EPHA6: variants seen among roughly 807,000 people sequenced by gnomAD.
The protein encoded by EPHA6 is EPH receptor A6, also known as ephrin type-A receptor 6.
Under a neutral mutation model 112.0 loss-of-function variants are expected in EPHA6, and 50 were observed. The ratio of observed to expected loss-of-function variants is 0.45; its 90% CI spans 0.36 to 0.56. The LOEUF (loss-of-function observed/expected upper bound fraction) is 0.56, where lower values mean the gene tolerates loss of function less well. Among genes scored for constraint, EPHA6 ranks in the 20% least tolerant of loss-of-function variants. The probability of loss-of-function intolerance (pLI) is 0.00; values close to 1 mark genes in which losing one functional copy is unlikely to be tolerated. For missense variants in EPHA6, 1,280 were observed against 1,417.4 expected (o/e 0.90, Z 1.56); for synonymous variants, 529 against 490.7 (o/e 1.08, Z -1.03).
chr3:97,261,552 A>T (rs9814048), intron 5 of EPHA6, among the ~76,000 whole-genome samples: 3,036 of 152,250 alleles, frequency 0.02, 88 homozygotes, highest in African/African-American at 0.068. Flanking sequence ...GTTTTTCTCT[A>T]TTTACATTCC....
chr3:97,481,494 T>C, intron 9 of EPHA6: 1 of 1,114,244 alleles, frequency 9.0e-7, no homozygotes, highest in East Asian at 2.6e-5. Context: ...CAAACCATAG[T>C]TCCGGTTCTT....
chr3:96,843,602 C>T (rs948742480), intron 1 of EPHA6, among the ~76,000 whole-genome samples: 6 of 152,046 alleles, frequency 3.9e-5, no homozygotes, highest in African/African-American at 1.4e-4. Context: ...CTGCAGAATT[C>T]GTTTTCCTAG....
intron 8 of EPHA6, among the ~76,000 whole-genome samples, chr3:97,477,126 A>G (rs985918104): frequency 6.6e-6 from 1 of 152,168 alleles, no homozygotes; most frequent in African/African-American, 2.4e-5. Flanking sequence ...GCTAACTGCC[A>G]TCATCAGAGC....
intron 5 of EPHA6, among the ~76,000 whole-genome samples, chr3:97,386,135 T>C (rs1473085215): frequency 6.6e-6 from 1 of 152,096 alleles, no homozygotes; most frequent in African/African-American, 2.4e-5. Flanking sequence ...GTCCAAAGTC[T>C]CATCTGAGAC....
intron 16 of EPHA6, among the ~76,000 whole-genome samples, chr3:97,737,429 TTTA>T (rs969239917): frequency 6.6e-6 from 1 of 151,926 alleles, no homozygotes; most frequent in African/African-American, 2.4e-5. Context: ...ATAAGAGAAT[TTTA>T]TTATTATTAT....
chr3:97,115,906 T>C (rs993576479), intron 3 of EPHA6, among the ~76,000 whole-genome samples: 20 of 151,940 alleles, frequency 1.3e-4, no homozygotes, highest in Non-Finnish European at 1.2e-4. Context: ...AAAATCACCC[T>C]TATATTGCCT....
At position 97,330,010 on chromosome 3, in the gene EPHA6, G is replaced by A. The variant is rs186554202; in HGVS notation, c.1607-75140G>A. On this transcript the variant is annotated intron_variant, in intron 5 of 17. Transcript: ENST00000389672. Reference sequence around the variant, plus strand: ...AATTTTTGTATAAGGCGTAAGGAAGGGATCCAGTTTCAGCTTTCTACCTAT... The same window carrying A: ...AATTTTTGTATAAGGCGTAAGGAAGAGATCCAGTTTCAGCTTTCTACCTAT... 1.7e-3 allele frequency among the ~76,000 whole-genome samples: 258 copies of A among 152,202 alleles called. 1 individual carries two copies. The highest frequency in any genetic ancestry group is 0.012 in the East Asian group (62 of 5,178).
At chr3:97,420,861 G>GACAAACA (rs2088566659) in intron 6 of EPHA6, among the ~76,000 whole-genome samples, 1 of 151,052 alleles carries the variant, frequency 6.6e-6, no homozygotes, top group Non-Finnish European at 1.5e-5. Flanking sequence ...AAAAAAAATA[G>GACAAACA]GGCCAAATTT....
chr3:96,840,282 A>T (rs1241863984), intron 1 of EPHA6, among the ~76,000 whole-genome samples: 2 of 152,132 alleles, frequency 1.3e-5, no homozygotes, highest in East Asian at 3.9e-4. Flanking sequence ...TTGTTGGCAA[A>T]ATATATACAC....
At chr3:97,491,634 T>TTTTTTTTTG (rs2091841225) in intron 10 of EPHA6, among the ~76,000 whole-genome samples, 1 of 125,004 alleles carries the variant, frequency 8.0e-6, no homozygotes. Flanking sequence ...TTTTTTTTTT[T>TTTTTTTTTG]AAGGTTTATG....
intron 14 of EPHA6, chr3:97,646,388 C>A: frequency 3.0e-6 from 3 of 1,005,004 alleles, no homozygotes; most frequent in Non-Finnish European, 2.7e-6. Context: ...TCAAAATACA[C>A]TAAAGTAAAT....
chr3:97,219,246 C>A (rs1391162757), intron 3 of EPHA6, among the ~76,000 whole-genome samples: 8 of 152,266 alleles, frequency 5.3e-5, no homozygotes, highest in Non-Finnish European at 1.2e-4. Context: ...CATAGCACCA[C>A]TAGGCAGTAC....
At chr3:97,707,534 C>A (rs1489158188) in intron 14 of EPHA6, among the ~76,000 whole-genome samples, 1 of 152,136 alleles carries the variant, frequency 6.6e-6, no homozygotes, top group African/African-American at 2.4e-5. Context: ...GAAAATACAG[C>A]ATATTGTGTT....
Position 97,638,078 on chromosome 3 carries a change from C to T in EPHA6, c.2780C>T (p.Thr927Ile), listed in dbSNP as rs891050699. ...LEDDPEAAYT[T>I]TGGKIPIRWT... Reference sequence around the variant, plus strand: ...GATGATCCAGAAGCTGCTTATACAACAACTGTAAGTTTATATGCCCTTTCC... The same window carrying T: ...GATGATCCAGAAGCTGCTTATACAATAACTGTAAGTTTATATGCCCTTTCC... Residue 927 changes from threonine to isoleucine, a missense_variant, in exon 14 of 18, where the codon ACA becomes ATA. Physicochemically the swap from Thr to Ile is moderately conservative, Grantham distance 89. Transcript: ENST00000389672. 6.2e-7 allele frequency: 1 copy of T among 1,610,508 alleles called. No homozygotes were observed. The highest frequency in any genetic ancestry group is 8.5e-7 in the Non-Finnish European group (1 of 1,177,402).
At chr3:97,364,152 G>A (rs1419782889) in intron 5 of EPHA6, among the ~76,000 whole-genome samples, 1 of 151,588 alleles carries the variant, frequency 6.6e-6, no homozygotes, top group Non-Finnish European at 1.5e-5. Context: ...TAATTTAAAC[G>A]GTACATTTAT....
intron 5 of EPHA6, among the ~76,000 whole-genome samples, chr3:97,404,918 C>T (rs141031586): frequency 2.7e-3 from 409 of 152,216 alleles, no homozygotes; most frequent in African/African-American, 9.3e-3. Flanking sequence ...CTGGCCCTTA[C>T]TCTTGGAATA....
intron 12 of EPHA6, among the ~76,000 whole-genome samples, chr3:97,596,900 A>C (rs1576014295): frequency 7.2e-6 from 1 of 139,126 alleles, no homozygotes; most frequent in South Asian, 2.2e-4. Context: ...ATATATATAT[A>C]TATATGTATG....
intron 13 of EPHA6, among the ~76,000 whole-genome samples, chr3:97,619,615 C>T (rs2093797001): frequency 1.3e-5 from 2 of 151,994 alleles, no homozygotes. Context: ...CATTCCTATA[C>T]ACCAACAACA....
intron 2 of EPHA6, among the ~76,000 whole-genome samples, chr3:96,903,358 T>C (rs2038725496): frequency 6.6e-6 from 1 of 152,202 alleles, no homozygotes; most frequent in African/African-American, 2.4e-5. Flanking sequence ...GAATTTCTTA[T>C]GTGCGATTTT....
Sources: allele counts gnomAD v4.1 joint callset (sites outside exome capture counted in the v4.1 genomes callset), GRCh38; gene constraint gnomAD v4.1.1; transcripts MANE v1.5; gene names NCBI Gene and HGNC (gene_info 2026-07-23, HGNC 2026-07-21).